The following PRKCE variants were observed in gnomAD, a reference collection of about 807,000 sequenced individuals.
PRKCE encodes the protein protein kinase C epsilon.
PRKCE carries 16 observed loss-of-function variants against 85.4 expected under a neutral mutation model. The ratio of observed to expected loss-of-function variants is 0.19; its 90% confidence interval spans 0.13 to 0.28. The LOEUF is 0.28. PRKCE is among the 10% of genes least tolerant of loss of function. PRKCE has a pLI of 1.00. For synonymous variants in PRKCE, 388 were observed against 371.5 expected (o/e 1.04, Z -0.51); for missense variants, 573 against 975.2 (o/e 0.59, Z 5.49).
At chr2:45,684,610 G>T (rs151226195) in intron 1 of PRKCE, among the ~76,000 whole-genome samples, 3 of 152,122 alleles carry the variant, frequency 2.0e-5, no homozygotes, top group African/African-American at 7.2e-5. Context: ...CCCCCTAGTG[G>T]CATGTGACCT....
chr2:45,701,605 G>C (rs1412766834), intron 1 of PRKCE: 1 of 152,164 alleles, frequency 6.6e-6, no homozygotes, highest in Non-Finnish European at 1.5e-5. Context: ...AGCTTACCAA[G>C]GCAATAAAGG....
intron 1 of PRKCE, among the ~76,000 whole-genome samples, chr2:45,744,474 TTTCTTTCTTTCTTTTTCTTTCTTTC>T (rs1558623673): frequency 0.078 from 3,578 of 45,938 alleles, 183 homozygotes; most frequent in African/African-American, 0.12. Context: ...TCTTTCTTTC[TTTCTTTCTTTCTTTTTCTTTCTTTC>T]TTTTCTTTCT....
At chr2:45,975,235 T>C (rs1183599842) in intron 2 of PRKCE, among the ~76,000 whole-genome samples, 2 of 152,208 alleles carry the variant, frequency 1.3e-5, no homozygotes, top group Admixed American at 6.5e-5. Flanking sequence ...CACTAAGATA[T>C]AACACACTTA....
chr2:46,039,249 C>CT lies in PRKCE; in HGVS notation c.1437+28734dup, dbSNP rs1231646572. Among the ~76,000 whole-genome samples the CT allele has an allele frequency of 2.0e-5, 3 of 152,306 alleles. No individual in the cohort carries two copies. The East Asian group carries it at 5.8e-4, about 29-fold the overall frequency. ...TTGCTATGCTTTTAATTATGATTCT[C>CT]TTCAGGTTTACCATCTCTTGCTCAC... On this transcript the variant is annotated intron_variant, in intron 10 of 14. Coordinates refer to ENST00000306156, the MANE Select transcript of PRKCE (RefSeq NM_005400.3).
chr2:45,806,124 C>T (rs899268848), intron 1 of PRKCE, among the ~76,000 whole-genome samples: 2 of 152,112 alleles, frequency 1.3e-5, no homozygotes, highest in Non-Finnish European at 2.9e-5. Flanking sequence ...GATACTGGGG[C>T]GCTCATCCCA....
intron 11 of PRKCE, among the ~76,000 whole-genome samples, chr2:46,094,618 G>A (rs959147804): frequency 1.3e-5 from 2 of 150,556 alleles, no homozygotes; most frequent in Admixed American, 6.6e-5. Context: ...CACACACTGG[G>A]GTCTGTCGGG....
chr2:45,746,734 T>C (rs1359424596), intron 1 of PRKCE, among the ~76,000 whole-genome samples: 1 of 152,210 alleles, frequency 6.6e-6, no homozygotes, highest in Non-Finnish European at 1.5e-5. Context: ...TTGTTTTACT[T>C]AGCATAATTT....
At chr2:45,927,163 G>C (rs184751050) in intron 2 of PRKCE, among the ~76,000 whole-genome samples, 111 of 152,232 alleles carry the variant, frequency 7.3e-4, no homozygotes, top group African/African-American at 2.5e-3. Context: ...ACACAGGATG[G>C]TAAGAAGTAT....
intron 1 of PRKCE, among the ~76,000 whole-genome samples, chr2:45,788,354 A>T (rs1215847101): frequency 6.6e-6 from 1 of 152,228 alleles, no homozygotes; most frequent in Non-Finnish European, 1.5e-5. Flanking sequence ...GAGCATCGGT[A>T]ATGTTGCTAT....
chr2:45,924,366 T>C (rs1698463537), intron 2 of PRKCE, among the ~76,000 whole-genome samples: 1 of 152,206 alleles, frequency 6.6e-6, no homozygotes, highest in Admixed American at 6.5e-5. Context: ...GACCAGTTGT[T>C]TTTGAATAGG....
chr2:45,953,536 A>G (rs181142864), intron 2 of PRKCE, among the ~76,000 whole-genome samples: 3 of 152,282 alleles, frequency 2.0e-5, no homozygotes, highest in Admixed American at 1.3e-4. Flanking sequence ...GCCCTAAACT[A>G]AAAAATGACA....
chr2:45,959,120 C>A (rs1276453537), intron 2 of PRKCE, among the ~76,000 whole-genome samples: 1 of 151,668 alleles, frequency 6.6e-6, no homozygotes, highest in African/African-American at 2.4e-5. Context: ...AGAATAATAT[C>A]TTTTTAGCTT....
intron 2 of PRKCE, among the ~76,000 whole-genome samples, chr2:45,961,310 C>G (rs1701360531): frequency 1.3e-5 from 2 of 152,200 alleles, no homozygotes; most frequent in African/African-American, 4.8e-5. Flanking sequence ...TTTACCCTGA[C>G]TTTCTCCTGC....
intron 10 of PRKCE, among the ~76,000 whole-genome samples, chr2:46,065,445 A>G (rs1330106931): frequency 6.6e-6 from 1 of 152,170 alleles, no homozygotes; most frequent in Non-Finnish European, 1.5e-5. Context: ...TAGCCCTTCC[A>G]TCTTCTCATT....
intron 1 of PRKCE, among the ~76,000 whole-genome samples, chr2:45,682,522 G>A (rs1187936777): frequency 6.6e-6 from 1 of 152,056 alleles, no homozygotes; most frequent in Non-Finnish European, 1.5e-5. Context: ...TGCCTCCTGG[G>A]TTCAAGTGAC....
In PRKCE at chr2:45,744,468, TCTTTCTTTCTTTCTTTC is replaced by T; in HGVS notation, c.348+92021_348+92037del. Among the ~76,000 whole-genome samples the T allele has an allele frequency of 1.9e-4, 11 of 57,304 alleles. 1 individual carries two copies. The highest frequency in any genetic ancestry group is 1.7e-3 in the Admixed American group (11 of 6,410). 37.6% of individuals were successfully genotyped at this position (57,304 alleles called of 152,430 possible). On this transcript the variant is annotated intron_variant, in intron 1 of 14. Coordinates refer to ENST00000306156, the MANE Select transcript of PRKCE (RefSeq NM_005400.3). ...TTCTTTCTTTCTTTCTTTCTTTCTT[TCTTTCTTTCTTTCTTTC>T]TTTTTCTTTCTTTCTTTTCTTTCTT...
In PRKCE at chr2:45,841,006, A is replaced by G. The variant is rs574174532; in HGVS notation, c.349-1994A>G. On this transcript the variant is annotated intron_variant, in intron 1 of 14. Transcript: ENST00000306156. ...TAGACTCTGGAAGTTCTGAACACAG[A>G]GCCTTTTCCCACCTCCACGAGTGTG... 1.1e-4 allele frequency among the ~76,000 whole-genome samples: 16 copies of G among 152,266 alleles called. No homozygotes were observed. The East Asian group carries it at 1.2e-3, about 11-fold the overall frequency.
intron 2 of PRKCE, among the ~76,000 whole-genome samples, chr2:45,848,392 C>T (rs1004973050): frequency 2.6e-5 from 4 of 152,060 alleles, no homozygotes; most frequent in Non-Finnish European, 5.9e-5. Context: ...CTTACTGCAA[C>T]CTTTGCCTCC....
intron 11 of PRKCE, among the ~76,000 whole-genome samples, chr2:46,132,561 T>A (rs1390151223): frequency 6.6e-6 from 1 of 152,214 alleles, no homozygotes; most frequent in Non-Finnish European, 1.5e-5. Context: ...TCCTCCCTGA[T>A]GAAGAGGAGG....
Sources: gnomAD v4.1 joint callset for allele counts (sites outside exome capture counted in the v4.1 genomes callset) on GRCh38, gnomAD v4.1.1 for gene constraint, MANE v1.5 for transcripts, NCBI Gene and HGNC (gene_info 2026-07-23, HGNC 2026-07-21) for gene names.